Variants in CD99L2 observed in about 807,000 individuals in gnomAD.
CD99L2 encodes CD99 antigen-like protein 2.
Under a neutral mutation model 27.3 loss-of-function variants are expected in CD99L2, and 24 were observed. The observed-to-expected ratio is 0.88, with a 90% CI of 0.64 to 1.24. The LOEUF (loss-of-function observed/expected upper bound fraction) is 1.24. Among genes scored for constraint, CD99L2 ranks in the 50% most tolerant of loss-of-function variants. CD99L2 has a pLI of 0.00. For missense variants in CD99L2, 255 were observed against 221.6 expected, an observed-to-expected ratio of 1.15 and a Z score of -0.96; for synonymous variants, 97 against 87.9, an observed-to-expected ratio of 1.10 and a Z score of -0.58.
chrX:150,814,802 T>C, intron 4 of CD99L2, 60 bp downstream of exon 4: 1 of 1,026,546 alleles, frequency 9.7e-7, no homozygotes, highest in Non-Finnish European at 1.4e-6. Context: ...CTCTGTGGGA[T>C]GTTGATGTTG....
intron 1 of CD99L2, among the ~76,000 whole-genome samples, chrX:150,886,296 A>T (rs111419664): frequency 0.026 from 2,880 of 112,422 alleles, 65 homozygotes; most frequent in African/African-American, 0.07. Context: ...TGGGCTGCAT[A>T]TACGATGGTG....
intron 7 of CD99L2, among the ~76,000 whole-genome samples, chrX:150,791,324 T>C (rs1264353419): frequency 8.9e-6 from 1 of 111,871 alleles, no homozygotes; most frequent in African/African-American, 3.3e-5. Flanking sequence ...TACTCAGATC[T>C]TGGTTTCTAA....
chrX:150,898,061 C>G (rs868918198), intron 1 of CD99L2, among the ~76,000 whole-genome samples: 4,693 of 28,136 alleles, frequency 0.17, 532 homozygotes, highest in African/African-American at 0.29. Context: ...CTGACCCCCC[C>G]CCCCCCCCCC....
intron 1 of CD99L2, among the ~76,000 whole-genome samples, chrX:150,886,091 GA>G (rs1603320842): frequency 8.9e-6 from 1 of 111,851 alleles, no homozygotes; most frequent in Non-Finnish European, 1.9e-5. Flanking sequence ...CTGTAGAGAA[GA>G]AAAAAATAGA....
intron 4 of CD99L2, among the ~76,000 whole-genome samples, chrX:150,813,136 C>T (rs1393616419): frequency 9.0e-6 from 1 of 111,323 alleles, no homozygotes; most frequent in Non-Finnish European, 1.9e-5. Flanking sequence ...TCATGGGATA[C>T]TTATGGTGAC....
chrX:150,862,871 A>G (rs1409220463), intron 1 of CD99L2, among the ~76,000 whole-genome samples: 1 of 97,315 alleles, frequency 1.0e-5, no homozygotes, highest in Non-Finnish European at 2.0e-5. Flanking sequence ...AGAGAAAGAA[A>G]GAAAGAAAAA....
intron 1 of CD99L2, among the ~76,000 whole-genome samples, chrX:150,855,065 G>T (rs188626550): frequency 8.9e-6 from 1 of 112,029 alleles, no homozygotes; most frequent in East Asian, 2.8e-4. Context: ...TATGTAAGAT[G>T]GAAGTAACAC....
intron 1 of CD99L2, among the ~76,000 whole-genome samples, chrX:150,884,750 C>T (rs986911510): frequency 9.8e-5 from 11 of 111,907 alleles, no homozygotes; most frequent in Non-Finnish European, 2.1e-4. Flanking sequence ...GTCTCATAGG[C>T]CCCCACAAGG....
intron 2 of CD99L2, among the ~76,000 whole-genome samples, chrX:150,827,881 G>A (rs1250368681): frequency 8.9e-6 from 1 of 111,872 alleles, no homozygotes; most frequent in Non-Finnish European, 1.9e-5. Flanking sequence ...AGCACTGTTT[G>A]TTGAAGATTG....
At chrX:150,861,494 A>G (rs1313468193) in intron 1 of CD99L2, among the ~76,000 whole-genome samples, 2 of 112,181 alleles carry the variant, frequency 1.8e-5, no homozygotes, top group Non-Finnish European at 3.8e-5. Context: ...GAAGGCACCA[A>G]GAACATGGAC....
At chrX:150,898,338 C>T (rs1376389495) in intron 1 of CD99L2, among the ~76,000 whole-genome samples, 184 bp downstream of exon 1, 74 of 111,554 alleles carry the variant, frequency 6.6e-4, no homozygotes, top group African/African-American at 2.3e-3. Context: ...CCGACCGCGG[C>T]GGAGTCAACC....
At chrX:150,855,278 G>T (rs1776627110) in intron 1 of CD99L2, among the ~76,000 whole-genome samples, 1 of 111,965 alleles carries the variant, frequency 8.9e-6, no homozygotes, top group Admixed American at 9.4e-5. Flanking sequence ...CAGTGTGGCT[G>T]GTTGTATTAG....
chrX:150,836,086 G>A (rs868921846), intron 1 of CD99L2, among the ~76,000 whole-genome samples: 9 of 111,759 alleles, frequency 8.1e-5, no homozygotes, highest in Admixed American at 3.8e-4. Context: ...CCAACCTAGC[G>A]TCCTACTGAA....
intron 1 of CD99L2, among the ~76,000 whole-genome samples, chrX:150,865,959 A>G (rs1237179311): frequency 2.7e-5 from 3 of 111,224 alleles, no homozygotes; most frequent in Admixed American, 9.5e-5. Context: ...CATCTCTACA[A>G]TAAATACAAA....
intron 1 of CD99L2, among the ~76,000 whole-genome samples, chrX:150,847,636 C>G (rs1408921888): frequency 1.8e-5 from 2 of 110,091 alleles, no homozygotes; most frequent in Non-Finnish European, 3.8e-5. Flanking sequence ...TCCTCAGTAT[C>G]TCACAGCCAG....
intron 1 of CD99L2, among the ~76,000 whole-genome samples, chrX:150,875,359 T>C (rs1327451288): frequency 2.7e-5 from 3 of 112,148 alleles, no homozygotes; most frequent in African/African-American, 6.5e-5. Context: ...TTTCCCCAGT[T>C]TTACTTGCAC....
chrX:150,802,129 T>C (rs1248604122), intron 4 of CD99L2, among the ~76,000 whole-genome samples: 1 of 112,033 alleles, frequency 8.9e-6, no homozygotes, highest in African/African-American at 3.2e-5. Context: ...ATCATGTACA[T>C]AGAAAATTCC....
chrX:150,838,596 T>A (rs1202219543), intron 1 of CD99L2, among the ~76,000 whole-genome samples: 2 of 103,068 alleles, frequency 1.9e-5, no homozygotes. Flanking sequence ...ATATATAACC[T>A]CAAAACCCAT....
At chrX:150,775,969 G>A (rs782404392) in intron 9 of CD99L2, among the ~76,000 whole-genome samples, 7 of 112,447 alleles carry the variant, frequency 6.2e-5, no homozygotes, top group East Asian at 2.8e-4. Flanking sequence ...AGCCCCACGC[G>A]CTCTTGCAGG....
Sources: gnomAD v4.1 joint callset for allele counts (sites outside exome capture counted in the v4.1 genomes callset) on GRCh38, gnomAD v4.1.1 for gene constraint, MANE v1.5 for transcripts, NCBI Gene and HGNC (gene_info 2026-07-23, HGNC 2026-07-21) for gene names.